Variants in AMOTL1 observed in about 807,000 individuals in gnomAD.
The protein encoded by AMOTL1 is angiomotin like 1, also known as angiomotin-like protein 1.
Under a neutral mutation model 102.9 loss-of-function variants are expected in AMOTL1, and 45 were observed. That is an observed-to-expected ratio of 0.44 (90% CI 0.34 to 0.56). The LOEUF (loss-of-function observed/expected upper bound fraction) is 0.56. Ranked by LOEUF, AMOTL1 falls within the 20% of genes least tolerant of loss-of-function variation. The probability of loss-of-function intolerance (pLI) is 0.01; values close to 1 mark genes in which losing one functional copy is unlikely to be tolerated. For synonymous variants in AMOTL1, 481 were observed against 484.7 expected (o/e 0.99, Z 0.10); for missense variants, 1,114 against 1,225.6 (o/e 0.91, Z 1.36).
chr11:94,803,000 C>T (rs1481797900), intron 3 of AMOTL1, among the ~76,000 whole-genome samples: 2 of 152,192 alleles, frequency 1.3e-5, no homozygotes, highest in African/African-American at 4.8e-5. Context: ...TGTGTACATA[C>T]GTACAACCAC....
At chr11:94,777,826 A>G (rs1951047364) in intron 1 of AMOTL1, among the ~76,000 whole-genome samples, 1 of 152,214 alleles carries the variant, frequency 6.6e-6, no homozygotes, top group African/African-American at 2.4e-5. Flanking sequence ...CACTCCTTAA[A>G]TATCTGTTGA....
chr11:94,715,079 G>A (rs1040557125), intron 1 of AMOTL1, among the ~76,000 whole-genome samples: 11 of 152,002 alleles, frequency 7.2e-5, no homozygotes, highest in African/African-American at 2.7e-4. Flanking sequence ...TTGTTAAGTT[G>A]TATTTAGTCT....
rs556334597 is a variant in AMOTL1, at chr11:94,876,164, A to G, written c.*5369A>G. ...CACATAGAGACACCTGTAAGTATTT[A>G]TTACAAAACGGAATGTAAGCAAATA... On this transcript the variant is annotated 3_prime_UTR_variant, in exon 13 of 13. Transcript: ENST00000433060. 1 of 152,790 alleles carries G rather than the reference A, an allele frequency of 6.5e-6. No individual in the cohort carries two copies. The highest frequency in any genetic ancestry group is 6.5e-5 in the Admixed American group (1 of 15,310). 9.5% of individuals were successfully genotyped at this position (152,790 alleles called of 1,614,324 possible).
chr11:94,749,547 A>G (rs1026307949), intron 3 of AMOTL1, among the ~76,000 whole-genome samples: 7 of 152,206 alleles, frequency 4.6e-5, no homozygotes, highest in Non-Finnish European at 8.8e-5. Context: ...TAACCATCAC[A>G]GGGATGGTAG....
rs145157507 is a variant in AMOTL1, at chr11:94,777,960, G to C, written c.49+9400G>C. Among the ~76,000 whole-genome samples, 102 of 152,284 alleles carry C rather than the reference G, an allele frequency of 6.7e-4. 1 individual carries two copies. The highest frequency in any genetic ancestry group is 2.4e-3 in the African/African-American group (98 of 41,554). On this transcript the variant is annotated intron_variant, in intron 1 of 12. Transcript: ENST00000433060. ...CTGTCATGTGCCAGGAACTGGGCTA[G>C]GTGTGGGATATATATCCTTTGCTCC...
chr11:94,852,385 C>T (rs1186682815), intron 7 of AMOTL1, among the ~76,000 whole-genome samples: 1 of 152,240 alleles, frequency 6.6e-6, no homozygotes, highest in Middle Eastern at 3.2e-3. Context: ...AGCTAAATCA[C>T]TAGCATGTTC....
chr11:94,868,706 C>T (rs1300005534), intron 11 of AMOTL1, among the ~76,000 whole-genome samples: 1 of 152,138 alleles, frequency 6.6e-6, no homozygotes, highest in Non-Finnish European at 1.5e-5. Flanking sequence ...ATGTCTAGGA[C>T]CGGGGAAGCC....
At chr11:94,857,061 G>T (rs1952682256) in intron 8 of AMOTL1, among the ~76,000 whole-genome samples, 1 of 152,124 alleles carries the variant, frequency 6.6e-6, no homozygotes, top group Non-Finnish European at 1.5e-5. Context: ...TGGGCCCCAG[G>T]GTTAAACCAG....
chr11:94,869,126 G>T, intron 11 of AMOTL1, 72 bp from the exon 12 acceptor site: 1 of 1,439,988 alleles, frequency 6.9e-7, no homozygotes. Context: ...ACAAGGAACA[G>T]ATCTGCAAGA....
At chr11:94,795,895 C>G (rs1180618000) in intron 2 of AMOTL1, among the ~76,000 whole-genome samples, 1 of 152,046 alleles carries the variant, frequency 6.6e-6, no homozygotes, top group Non-Finnish European at 1.5e-5. Context: ...AGATCAGTTA[C>G]CCTGAGGGGA....
chr11:94,866,968 C>T (rs1208277970), intron 11 of AMOTL1, among the ~76,000 whole-genome samples: 2 of 152,222 alleles, frequency 1.3e-5, no homozygotes, highest in South Asian at 2.1e-4. Context: ...AAGCAGGCAG[C>T]GTGCTCAGAC....
upstream of AMOTL1, among the ~76,000 whole-genome samples, chr11:94,767,575 G>A (rs1283426545): frequency 1.3e-5 from 2 of 152,180 alleles, no homozygotes; most frequent in Non-Finnish European, 2.9e-5. Flanking sequence ...CCAAGCAGTA[G>A]AGCTGCCCGG....
chr11:94,747,339 G>T (rs1176354161), intron 3 of AMOTL1, among the ~76,000 whole-genome samples: 1 of 152,020 alleles, frequency 6.6e-6, no homozygotes, highest in African/African-American at 2.4e-5. Context: ...CTCAGACCTG[G>T]TGAACTGGCC....
chr11:94,818,346 G>A (rs1485554254), intron 3 of AMOTL1, among the ~76,000 whole-genome samples: 2 of 152,184 alleles, frequency 1.3e-5, no homozygotes. Flanking sequence ...AAGTTTTCTT[G>A]GGCCCTTGAG....
intron 3 of AMOTL1, among the ~76,000 whole-genome samples, chr11:94,763,135 G>C (rs908845914): frequency 1.3e-5 from 2 of 152,082 alleles, no homozygotes; most frequent in African/African-American, 4.8e-5. Flanking sequence ...TCATCCACAG[G>C]CACCTGATAT....
At chr11:94,767,120 G>A (rs917540287), upstream of AMOTL1, among the ~76,000 whole-genome samples, 20 of 152,076 alleles carry the variant, frequency 1.3e-4, no homozygotes, top group African/African-American at 4.8e-4. Flanking sequence ...CTGCTTTGTT[G>A]CTTGCCTGTT....
intron 1 of AMOTL1, among the ~76,000 whole-genome samples, chr11:94,707,071 G>C (rs1949940284): frequency 6.6e-6 from 1 of 151,964 alleles, no homozygotes; most frequent in South Asian, 2.1e-4. Context: ...GAGTGTAGCA[G>C]GAAAAAAAGG....
At chr11:94,864,691 C>T in intron 9 of AMOTL1, 44 bp from the exon 10 acceptor site, 1 of 1,594,154 alleles carries the variant, frequency 6.3e-7, no homozygotes, top group Non-Finnish European at 8.6e-7. Flanking sequence ...TGAGACAAAG[C>T]AAGAAGGTTT....
chr11:94,871,667 G>A lies in AMOTL1; in HGVS notation c.*872G>A, dbSNP rs1214102521. On this transcript the variant is annotated 3_prime_UTR_variant, in exon 13 of 13. Transcript: ENST00000433060. ...CTGGCTGCTTCACCTTTGCATAGCT[G>A]GGTTGCAGCTGCGAACCTCATTCTG... 6.6e-6 allele frequency: 1 copy of A among 152,188 alleles called. No individual in the cohort carries two copies. The highest frequency in any genetic ancestry group is 1.5e-5 in the Non-Finnish European group (1 of 68,034). The allele number at this position is 152,188 out of a possible 1,614,324, so 9.4% of individuals were successfully genotyped here. A position where few individuals can be genotyped will look rare whatever the true frequency, so the allele number is the denominator to read the frequency against.
Sources: allele counts gnomAD v4.1 joint callset (sites outside exome capture counted in the v4.1 genomes callset), GRCh38; gene constraint gnomAD v4.1.1; transcripts MANE v1.5; gene names NCBI Gene and HGNC (gene_info 2026-07-23, HGNC 2026-07-21).